CMSS1: variants seen among roughly 807,000 people sequenced by gnomAD.
CMSS1 encodes cms1 ribosomal small subunit homolog.
CMSS1 carries 33 observed loss-of-function variants against 43.5 expected under a neutral mutation model. That is an observed-to-expected ratio of 0.76 (90% CI 0.57 to 1.01). The LOEUF (loss-of-function observed/expected upper bound fraction) is 1.01, where lower values mean the gene tolerates loss of function less well. Ranked by LOEUF, CMSS1 falls within the 50% of genes least tolerant of loss-of-function variation. The pLI is 0.00. For synonymous variants in CMSS1, 115 were observed against 117.2 expected (o/e 0.98, Z 0.12); for missense variants, 313 against 326.4 (o/e 0.96, Z 0.32).
intron 1 of CMSS1, among the ~76,000 whole-genome samples, chr3:100,108,284 T>C (rs2066427653): frequency 6.6e-6 from 1 of 152,184 alleles, no homozygotes; most frequent in African/African-American, 2.4e-5. Flanking sequence ...GATTATTTTT[T>C]ATAGATCCAA....
chr3:100,026,857 C>G (rs2064931580), intron 1 of CMSS1, among the ~76,000 whole-genome samples: 1 of 152,144 alleles, frequency 6.6e-6, no homozygotes, highest in Non-Finnish European at 1.5e-5. Flanking sequence ...CATCGCCCCA[C>G]TGCCCACAAT....
At chr3:99,965,751 G>A (rs559617623) in intron 1 of CMSS1, among the ~76,000 whole-genome samples, 10 of 152,322 alleles carry the variant, frequency 6.6e-5, no homozygotes, top group African/African-American at 2.2e-4. Flanking sequence ...TAGGTTAAAT[G>A]AAGGTTACCA....
intron 1 of CMSS1, among the ~76,000 whole-genome samples, chr3:100,137,419 C>T (rs1056376710): frequency 1.3e-5 from 2 of 151,978 alleles, no homozygotes; most frequent in African/African-American, 4.8e-5. Context: ...CTTGCATGCA[C>T]CTAAGACAGC....
chr3:100,022,450 T>C (rs1407643620), intron 1 of CMSS1, among the ~76,000 whole-genome samples: 1 of 152,200 alleles, frequency 6.6e-6, no homozygotes, highest in Non-Finnish European at 1.5e-5. Context: ...AGGCCTGCAG[T>C]TCAACAATTG....
intron 6 of CMSS1, among the ~76,000 whole-genome samples, chr3:100,170,437 G>A (rs888141580): frequency 2.6e-5 from 4 of 152,160 alleles, no homozygotes; most frequent in Admixed American, 2.0e-4. Context: ...AAATCACATC[G>A]ATAAATCCCT....
chr3:99,999,620 A>G (rs182922748), intron 1 of CMSS1, among the ~76,000 whole-genome samples: 12 of 152,262 alleles, frequency 7.9e-5, no homozygotes, highest in African/African-American at 2.9e-4. Flanking sequence ...GGATCTCGGG[A>G]TATAGGCTTT....
intron 1 of CMSS1, among the ~76,000 whole-genome samples, chr3:100,010,819 G>T (rs986815238): frequency 2.7e-5 from 4 of 148,292 alleles, no homozygotes; most frequent in African/African-American, 1.0e-4. Flanking sequence ...GTAGAGGTGG[G>T]GGTTTCAGCA....
intron 1 of CMSS1, chr3:100,023,524 T>TAA (rs1049778607): frequency 6.6e-6 from 1 of 152,618 alleles, no homozygotes; most frequent in Non-Finnish European, 1.5e-5. Context: ...GAAAGAACTG[T>TAA]AAGTGGTATG....
chr3:99,818,027 AG>A lies in CMSS1; in HGVS notation c.49del (p.Ala17GlnfsTer18). On this transcript the variant is annotated frameshift_variant, in exon 1 of 10. Coordinates refer to ENST00000421999, the MANE Select transcript of CMSS1 (RefSeq NM_032359.4). LOFTEE classifies it high-confidence loss of function. ...DEWWENQPTG[A>X]GSSPEASDGE... ...AGTGGTGGGAGAACCAGCCGACTGGAGCAGGCAGCAGCCCAGGTACCCACTC... is the reference window on the plus strand; with the variant it reads ...AGTGGTGGGAGAACCAGCCGACTGGACAGGCAGCAGCCCAGGTACCCACTC... 6.2e-7 allele frequency: 1 copy of A among 1,613,808 alleles called. No homozygotes were observed. The highest frequency in any genetic ancestry group is 8.5e-7 in the Non-Finnish European group (1 of 1,179,968).
At chr3:100,138,716 T>C (rs1559768854) in intron 1 of CMSS1, among the ~76,000 whole-genome samples, 1 of 152,094 alleles carries the variant, frequency 6.6e-6, no homozygotes, top group African/African-American at 2.4e-5. Context: ...TGTGGAGAAA[T>C]AAAAACACTT....
At chr3:99,887,734 T>C (rs1392763640) in intron 1 of CMSS1, among the ~76,000 whole-genome samples, 3 of 152,186 alleles carry the variant, frequency 2.0e-5, no homozygotes, top group African/African-American at 7.2e-5. Context: ...AATATAGATA[T>C]GGATATGATG....
intron 4 of CMSS1, among the ~76,000 whole-genome samples, chr3:100,163,953 G>C (rs1052210401): frequency 6.6e-6 from 1 of 152,150 alleles, no homozygotes; most frequent in African/African-American, 2.4e-5. Flanking sequence ...AAAACAATCT[G>C]TTCCCTGAAT....
intron 1 of CMSS1, among the ~76,000 whole-genome samples, chr3:100,078,785 G>A (rs2065889239): frequency 6.6e-6 from 1 of 152,086 alleles, no homozygotes; most frequent in African/African-American, 2.4e-5. Flanking sequence ...AAGCTACTCG[G>A]GAGGCTAAGG....
chr3:100,139,632 C>CGG (rs2066788392), intron 1 of CMSS1, among the ~76,000 whole-genome samples: 1 of 143,678 alleles, frequency 7.0e-6, no homozygotes, highest in African/African-American at 2.6e-5. Flanking sequence ...TATATATATA[C>CGG]ACACACACAC....
At chr3:99,923,155 T>G (rs1707177317) in intron 1 of CMSS1, among the ~76,000 whole-genome samples, 1 of 152,122 alleles carries the variant, frequency 6.6e-6, no homozygotes, top group African/African-American at 2.4e-5. Flanking sequence ...CAAGCCTTGA[T>G]GTATTCTAGG....
At chr3:99,927,639 G>T (rs1377670303) in intron 1 of CMSS1, among the ~76,000 whole-genome samples, 1 of 152,146 alleles carries the variant, frequency 6.6e-6, no homozygotes, top group Admixed American at 6.5e-5. Context: ...AAAGTGCTGG[G>T]ATTACAGGCA....
chr3:99,863,464 T>C (rs1372843116), intron 1 of CMSS1, among the ~76,000 whole-genome samples: 6 of 152,188 alleles, frequency 3.9e-5, no homozygotes, highest in Admixed American at 2.0e-4. Context: ...CTGGGCTTGG[T>C]TTCCATAGTC....
chr3:100,017,908 C>T (rs1710391972), intron 1 of CMSS1, among the ~76,000 whole-genome samples: 3 of 152,160 alleles, frequency 2.0e-5, no homozygotes, highest in Admixed American at 2.0e-4. Context: ...GGATCTGTAG[C>T]TTGCAAATTG....
chr3:99,830,477 C>T (rs1017035996), intron 1 of CMSS1: 4 of 456,474 alleles, frequency 8.8e-6, no homozygotes, highest in Admixed American at 4.7e-5. Context: ...TGTGTAGCTT[C>T]CCACAGCCAT....
Sources: allele counts gnomAD v4.1 joint callset (sites outside exome capture counted in the v4.1 genomes callset), GRCh38; gene constraint gnomAD v4.1.1; transcripts MANE v1.5; gene names NCBI Gene and HGNC (gene_info 2026-07-23, HGNC 2026-07-21).